FYB2: variants seen among roughly 807,000 people sequenced by gnomAD.
The protein encoded by FYB2 is FYN-binding protein 2.
In FYB2, 103 loss-of-function variants were observed where a neutral mutation model predicts 94.1. That is an observed-to-expected ratio of 1.09 (90% CI 0.93 to 1.29). The LOEUF (loss-of-function observed/expected upper bound fraction) is 1.29, where lower values mean the gene tolerates loss of function less well. Ranked by LOEUF, FYB2 falls within the 50% of genes most tolerant of loss-of-function variation. FYB2 has a pLI of 0.00. For synonymous variants in FYB2, 293 were observed against 287.9 expected, an observed-to-expected ratio of 1.02 and a Z score of -0.18; for missense variants, 896 against 841.5, an observed-to-expected ratio of 1.06 and a Z score of -0.80.
intron 4 of FYB2, among the ~76,000 whole-genome samples, chr1:56,784,925 G>A (rs1265700978): frequency 6.6e-6 from 1 of 152,150 alleles, no homozygotes; most frequent in Non-Finnish European, 1.5e-5. Context: ...CAGGATACAG[G>A]CCCAGTTCTT....
chr1:56,804,853 C>T (rs1261339152), intron 1 of FYB2, among the ~76,000 whole-genome samples: 2 of 152,140 alleles, frequency 1.3e-5, no homozygotes, highest in African/African-American at 2.4e-5. Flanking sequence ...ATTCCTTAGC[C>T]AAACACATAA....
intron 4 of FYB2, among the ~76,000 whole-genome samples, chr1:56,769,550 A>C (rs1171916979): frequency 6.6e-6 from 1 of 152,306 alleles, no homozygotes; most frequent in East Asian, 1.9e-4. Flanking sequence ...TTCCATAATA[A>C]TAATATGGAA....
intron 4 of FYB2, among the ~76,000 whole-genome samples, chr1:56,775,384 C>T (rs978369268): frequency 6.6e-6 from 1 of 152,138 alleles, no homozygotes; most frequent in Non-Finnish European, 1.5e-5. Context: ...AATATGCCGT[C>T]CACTCTGGCT....
Position 56,787,095 on chromosome 1 carries a change from G to C in FYB2, c.953+80C>G, listed in dbSNP as rs558390703. 7.2e-5 allele frequency: 105 copies of C among 1,465,930 alleles called. 3 individuals are homozygous for C. The South Asian group carries it at 1.1e-3, about 15-fold the overall frequency. 90.8% of individuals were successfully genotyped at this position (1,465,930 alleles called of 1,614,324 possible). On this transcript the variant is annotated intron_variant, in intron 4 of 19. Coordinates refer to ENST00000343433, the MANE Select transcript of FYB2 (RefSeq NM_001004303.5). ...TGAGAAATACAGATTCTTGGTTTGT[G>C]CTAATTGCCTGCTCTGGAGCAGTCT...
At chr1:56,738,537 T>G (rs1321406644) in intron 14 of FYB2, 88 bp downstream of exon 14, 1 of 1,304,300 alleles carries the variant, frequency 7.7e-7, no homozygotes, top group Non-Finnish European at 1.1e-6. Context: ...AATGTGGGAA[T>G]GCAGGAAGGG....
At chr1:56,817,944 G>T (rs1475927492) in intron 1 of FYB2, among the ~76,000 whole-genome samples, 2 of 152,194 alleles carry the variant, frequency 1.3e-5, no homozygotes, top group East Asian at 1.9e-4. Flanking sequence ...GTATGATACT[G>T]AGCAAGTGAT....
In FYB2 at chr1:56,719,347, G is replaced by A. The variant is rs1400829802; in HGVS notation, c.*324C>T. ...ACTAACCATCTGCACAACTGACTAG[G>A]TGCCATAAGGCATGATTTCTAACTT... On this transcript the variant is annotated 3_prime_UTR_variant, in exon 20 of 20. Transcript: ENST00000343433. The A allele has an allele frequency of 3.9e-6, 1 of 256,860 alleles. No homozygotes were observed. Among genetic ancestry groups the A allele is most frequent in the Non-Finnish European group, 7.4e-6 (1 of 134,606 alleles). The allele number at this position is 256,860 out of a possible 1,614,324, so 15.9% of individuals were successfully genotyped here.
intron 1 of FYB2, among the ~76,000 whole-genome samples, chr1:56,803,776 C>A (rs55898661): frequency 3.6e-4 from 55 of 152,328 alleles, no homozygotes; most frequent in Non-Finnish European, 6.8e-4. Context: ...TGTTTTCCTG[C>A]ATCCCATCAC....
intron 1 of FYB2, among the ~76,000 whole-genome samples, chr1:56,797,744 A>C (rs982465046): frequency 6.6e-6 from 1 of 152,112 alleles, no homozygotes; most frequent in Non-Finnish European, 1.5e-5. Flanking sequence ...TCCTAAAATA[A>C]TTTCTTGTAA....
At chr1:56,751,858 T>C (rs1323677253) in intron 8 of FYB2, among the ~76,000 whole-genome samples, 1 of 151,922 alleles carries the variant, frequency 6.6e-6, no homozygotes, top group African/African-American at 2.4e-5. Context: ...ATGTGATGAG[T>C]GTTATTTACA....
At chr1:56,807,346 T>C (rs1047639745) in intron 1 of FYB2, among the ~76,000 whole-genome samples, 2 of 152,198 alleles carry the variant, frequency 1.3e-5, no homozygotes, top group African/African-American at 4.8e-5. Flanking sequence ...TTTTCTATAT[T>C]AGAGTCCCAG....
At chr1:56,739,515 T>C (rs993295753) in intron 13 of FYB2, among the ~76,000 whole-genome samples, 1 of 152,058 alleles carries the variant, frequency 6.6e-6, no homozygotes. Context: ...CATAATTCCA[T>C]CTCACTATAG....
chr1:56,765,450 A>G (rs1455750753), intron 5 of FYB2, among the ~76,000 whole-genome samples: 1 of 152,172 alleles, frequency 6.6e-6, no homozygotes, highest in South Asian at 2.1e-4. Context: ...ACATCACTCC[A>G]GTGGAGGAGT....
At chr1:56,765,235 CCTT>C (rs747139155) in intron 5 of FYB2, among the ~76,000 whole-genome samples, 71 of 152,102 alleles carry the variant, frequency 4.7e-4, no homozygotes, top group Admixed American at 2.0e-3. Context: ...GAGAGGGTGG[CCTT>C]CTTACTGCTG....
At chr1:56,743,086 C>T (rs544615917) in intron 11 of FYB2, among the ~76,000 whole-genome samples, 5 of 152,076 alleles carry the variant, frequency 3.3e-5, no homozygotes, top group African/African-American at 9.6e-5. Context: ...TTAAAATCTA[C>T]TCTCAGCAAT....
chr1:56,766,780 G>T (rs1645634314), intron 5 of FYB2, among the ~76,000 whole-genome samples: 1 of 152,140 alleles, frequency 6.6e-6, no homozygotes, highest in Non-Finnish European at 1.5e-5. Flanking sequence ...ATTTCAGTAG[G>T]TCCTGATCCT....
intron 1 of FYB2, among the ~76,000 whole-genome samples, chr1:56,794,156 A>G (rs1246418220): frequency 6.6e-6 from 1 of 152,164 alleles, no homozygotes; most frequent in Non-Finnish European, 1.5e-5. Flanking sequence ...TTCAGCTCCA[A>G]TTTGGTATAT....
At position 56,795,733 on chromosome 1, in the gene FYB2, A is replaced by G. The variant is rs142747254; in HGVS notation, c.10-2930T>C. On this transcript the variant is annotated intron_variant, in intron 1 of 19. Coordinates refer to ENST00000343433, the MANE Select transcript of FYB2 (RefSeq NM_001004303.5). The stretch of plus-strand genomic sequence containing the variant: ...TAATGATTATTTTCAGTTCTTCACT[A>G]TTTGAAGCCACATGGACAACTACTG... Among the ~76,000 whole-genome samples, 62 of 152,070 alleles carry G rather than the reference A, an allele frequency of 4.1e-4. No individual in the cohort carries two copies. The Middle Eastern group carries it at 0.031, about 75-fold the overall frequency.
chr1:56,720,177 G>T lies in FYB2; in HGVS notation c.2127C>A (p.Gly709=). 1 of 1,605,918 alleles carries T rather than the reference G, an allele frequency of 6.2e-7. No homozygotes were observed. The highest frequency in any genetic ancestry group is 8.5e-7 in the Non-Finnish European group (1 of 1,177,034). The change falls in exon 18 of 20, where the codon GGC becomes GGA. Residue 709 remains glycine, a synonymous_variant. Coordinates refer to ENST00000343433, the MANE Select transcript of FYB2 (RefSeq NM_001004303.5). ...QNLVICRNSK[G]KYGYVLIEHL... ...AAGATAAGCAAATAAACTTACATTT[G>T]CCTTTAGAATTACGACATATCACTA...
Sources: allele counts gnomAD v4.1 joint callset (sites outside exome capture counted in the v4.1 genomes callset), GRCh38; gene constraint gnomAD v4.1.1; transcripts MANE v1.5; gene names NCBI Gene and HGNC (gene_info 2026-07-23, HGNC 2026-07-21).